Variants in PDE9A observed in about 807,000 individuals in gnomAD.
PDE9A encodes high affinity cGMP-specific 3',5'-cyclic phosphodiesterase 9A.
Under a neutral mutation model 87.4 loss-of-function variants are expected in PDE9A, and 60 were observed. The observed-to-expected ratio is 0.69, with a 90% CI of 0.56 to 0.85. The LOEUF is 0.85. Among genes scored for constraint, PDE9A ranks in the 40% least tolerant of loss-of-function variants. The pLI is 0.00. For missense variants in PDE9A, 665 were observed against 779.0 expected, an observed-to-expected ratio of 0.85 and a Z score of 1.74; for synonymous variants, 272 against 279.4, an observed-to-expected ratio of 0.97 and a Z score of 0.27.
chr21:42,746,752 A>G (rs540857811), intron 8 of PDE9A, among the ~76,000 whole-genome samples: 8 of 152,244 alleles, frequency 5.3e-5, no homozygotes, highest in South Asian at 2.1e-4. Context: ...CCAGTGAGAC[A>G]TCAGCCCCCA....
At position 42,667,758 on chromosome 21, in the gene PDE9A, C is replaced by T. The variant is rs541863262; in HGVS notation, c.69+13875C>T. On this transcript the variant is annotated intron_variant, in intron 1 of 19. Coordinates refer to ENST00000291539, the MANE Select transcript of PDE9A (RefSeq NM_002606.3). ...CCACCACTTCCCTAGAAACCCGTGG[C>T]AAGTTCCCTCCTCCCGACCCCCTGC... 2.6e-5 allele frequency among the ~76,000 whole-genome samples: 4 copies of T among 152,272 alleles called. No homozygotes were observed. In the East Asian group the frequency reaches 7.7e-4, roughly 29 times the overall value.
chr21:42,665,142 A>G (rs1424708096), intron 1 of PDE9A, among the ~76,000 whole-genome samples: 1 of 152,178 alleles, frequency 6.6e-6, no homozygotes, highest in African/African-American at 2.4e-5. Context: ...AGACTCAGAG[A>G]CCAGAGTGAT....
chr21:42,689,426 C>T (rs2059664734), intron 3 of PDE9A: 1 of 517,124 alleles, frequency 1.9e-6, no homozygotes, highest in South Asian at 8.4e-5. Context: ...TCTTGTCAGC[C>T]TCAGCACCAG....
chr21:42,697,286 T>C (rs1444302889), intron 3 of PDE9A: 3 of 671,456 alleles, frequency 4.5e-6, no homozygotes, highest in African/African-American at 1.8e-5. Flanking sequence ...TTCACATTAT[T>C]GGTGTTTAAA....
chr21:42,749,159 T>C (rs370668223), intron 8 of PDE9A, among the ~76,000 whole-genome samples: 30 of 152,176 alleles, frequency 2.0e-4, no homozygotes, highest in African/African-American at 7.0e-4. Flanking sequence ...TTCCCCAGGA[T>C]AGATATGTGG....
chr21:42,769,450 A>G (rs1315506807), intron 17 of PDE9A, among the ~76,000 whole-genome samples: 1 of 142,742 alleles, frequency 7.0e-6, no homozygotes, highest in Admixed American at 7.1e-5. Flanking sequence ...GTACACAGGC[A>G]CACACAGGCA....
At chr21:42,718,889 T>C (rs1304500089) in intron 4 of PDE9A, among the ~76,000 whole-genome samples, 1 of 151,830 alleles carries the variant, frequency 6.6e-6, no homozygotes, top group Non-Finnish European at 1.5e-5. Context: ...GATTTTGTTA[T>C]CATCCTCTGA....
chr21:42,665,002 C>T (rs1288686189), intron 1 of PDE9A, among the ~76,000 whole-genome samples: 1 of 152,250 alleles, frequency 6.6e-6, no homozygotes, highest in Non-Finnish European at 1.5e-5. Context: ...AAGATGAGGT[C>T]ATACTGCATT....
chr21:42,760,266 C>T lies in PDE9A; in HGVS notation c.898-62C>T. The T allele has an allele frequency of 2.1e-6, 2 of 960,844 alleles. No homozygotes were observed. The highest frequency in any genetic ancestry group is 3.3e-6 in the Non-Finnish European group (2 of 598,278). The allele number at this position is 960,844 out of a possible 1,614,324, so 59.5% of individuals were successfully genotyped here. ...AACCAGCGCACAGCCTTCTGGGTGG[C>T]TTTGGGAGGAGAGGTGGGCGGGCCC... On this transcript the variant is annotated intron_variant, in intron 11 of 19. Coordinates refer to ENST00000291539, the MANE Select transcript of PDE9A (RefSeq NM_002606.3). This position sits in a 1 kb window ranked among gnomAD's most constrained non-coding sequence, Gnocchi z 5.2.
rs1171278569 is a variant in PDE9A at position 42,752,728 on chromosome 21, T to C, written c.736-1262T>C. ...CCCTTACAAAAAACAGAAAAACAAA[T>C]ATCCAGTAAGACCTAGGAGAAGACA... On this transcript the variant is annotated intron_variant, in intron 9 of 19. Transcript: ENST00000291539. 4.6e-5 allele frequency among the ~76,000 whole-genome samples: 7 copies of C among 152,256 alleles called. No homozygotes were observed. The East Asian group carries it at 1.4e-3, about 29-fold the overall frequency.
In PDE9A at chr21:42,762,180, G is replaced by A. The variant is rs201884723; in HGVS notation, c.1183G>A (p.Glu395Lys). Residue 395 changes from glutamate to lysine, a missense_variant, in exon 14 of 20, where the codon GAG becomes AAG. Transcript: ENST00000291539. ...CGCCGTGGCCTTCCAGATCCTCGCC[G>A]AGCCTGAGTGCAACATCTTCTCCAA... Reference protein sequence around the residue: ...HCAVAFQILAEPECNIFSNIP... With the variant: ...HCAVAFQILAKPECNIFSNIP... The A allele has an allele frequency of 6.9e-5, 112 of 1,614,020 alleles. No individual in the cohort carries two copies. Among genetic ancestry groups the A allele is most frequent in the Non-Finnish European group, 8.7e-5 (103 of 1,180,026 alleles).
At chr21:42,730,619 T>C (rs1309971483) in intron 4 of PDE9A, among the ~76,000 whole-genome samples, 1 of 152,194 alleles carries the variant, frequency 6.6e-6, no homozygotes, top group Non-Finnish European at 1.5e-5. Flanking sequence ...GCAGGATCAC[T>C]CTCTATGACT....
chr21:42,765,016 T>TGGAG (rs1465799362), intron 14 of PDE9A, among the ~76,000 whole-genome samples: 1 of 145,592 alleles, frequency 6.9e-6, no homozygotes, highest in Non-Finnish European at 1.5e-5. Flanking sequence ...GATGGATGGA[T>TGGAG]GGATGGGTGG....
At chr21:42,665,243 C>T (rs1027683663) in intron 1 of PDE9A, among the ~76,000 whole-genome samples, 2 of 152,222 alleles carry the variant, frequency 1.3e-5, no homozygotes, top group African/African-American at 4.8e-5. Flanking sequence ...CAGCCCCGCC[C>T]ATGCCTCGAG....
rs551323753 is a variant in PDE9A, at chr21:42,670,479, CACAT to C, written c.70-15709_70-15706del. 2.7e-3 allele frequency among the ~76,000 whole-genome samples: 417 copies of C among 151,994 alleles called. 15 individuals are homozygous for C. Among genetic ancestry groups the C allele is most frequent in the Non-Finnish European group, 5.7e-4 (39 of 67,990 alleles). ...ACACAGACTTGCACATAGACTTACA[CACAT>C]ACACTTACACACGCACTCACACCTT... On this transcript the variant is annotated intron_variant, in intron 1 of 19. Transcript: ENST00000291539.
chr21:42,721,709 G>T (rs2050545397), intron 4 of PDE9A, among the ~76,000 whole-genome samples: 1 of 152,148 alleles, frequency 6.6e-6, no homozygotes, highest in African/African-American at 2.4e-5. Flanking sequence ...AGATGAGTTT[G>T]CTTCCCAGGA....
chr21:42,721,349 C>T (rs562461475), intron 4 of PDE9A, among the ~76,000 whole-genome samples: 2 of 152,314 alleles, frequency 1.3e-5, no homozygotes, highest in South Asian at 4.1e-4. Context: ...TAGAACTTCA[C>T]GTTTGGCCAC....
Position 42,759,181 on chromosome 21 carries a change from T to A in PDE9A, c.897+96T>A. ...ATGGATCACCAGGGCACCTTCCGGATGGCACTGCGCTCCCTGTGAGCAGAG... is the reference window on the plus strand; with the variant it reads ...ATGGATCACCAGGGCACCTTCCGGAAGGCACTGCGCTCCCTGTGAGCAGAG... On this transcript the variant is annotated intron_variant, in intron 11 of 19. Transcript: ENST00000291539. This position sits in a 1 kb window ranked among gnomAD's most constrained non-coding sequence, Gnocchi z 7.2. 1 of 834,198 alleles carries A rather than the reference T, an allele frequency of 1.2e-6. No homozygotes were observed. The highest frequency in any genetic ancestry group is 2.0e-6 in the Non-Finnish European group (1 of 493,556). 51.7% of individuals were successfully genotyped at this position (834,198 alleles called of 1,614,324 possible). A position where few individuals can be genotyped will look rare whatever the true frequency, so the allele number is the denominator to read the frequency against.
rs780836637 is a variant in PDE9A at position 42,731,954 on chromosome 21, C to T, written c.442+5C>T. The T allele has an allele frequency of 9.3e-6, 15 of 1,612,668 alleles. No homozygotes were observed. Among genetic ancestry groups the T allele is most frequent in the Admixed American group, 5.0e-5 (3 of 59,832 alleles). On this transcript the variant is annotated splice_donor_5th_base_variant and intron_variant, in intron 5 of 19. Transcript: ENST00000291539. ...AAGGCCAGCGCATCCCTCCAGGTAA[C>T]GGGCAGCTCCTCGGCCACAGCCTCC...
Sources: allele counts gnomAD v4.1 joint callset (sites outside exome capture counted in the v4.1 genomes callset), GRCh38; gene constraint gnomAD v4.1.1; non-coding constraint Gnocchi (gnomAD v3.1); transcripts MANE v1.5; gene names NCBI Gene and HGNC (gene_info 2026-07-23, HGNC 2026-07-21).